The following SLC16A14 variants were observed in gnomAD, a reference collection of about 807,000 sequenced individuals.
SLC16A14 encodes the protein solute carrier family 16 member 14, also known as monocarboxylate transporter 14.
Under a neutral mutation model 35.8 loss-of-function variants are expected in SLC16A14, and 14 were observed. The ratio of observed to expected loss-of-function variants is 0.39; its 90% confidence interval spans 0.26 to 0.61. SLC16A14 has a LOEUF of 0.61. Among genes scored for constraint, SLC16A14 ranks in the 20% least tolerant of loss-of-function variants. The probability of loss-of-function intolerance (pLI) is 0.51; values close to 1 mark genes in which losing one functional copy is unlikely to be tolerated. For synonymous variants in SLC16A14, 248 were observed against 258.9 expected (o/e 0.96, Z 0.40); for missense variants, 533 against 655.0 (o/e 0.81, Z 2.03).
chr2:230,066,421 A>G (rs1046402846), intron 1 of SLC16A14, among the ~76,000 whole-genome samples: 1 of 152,264 alleles, frequency 6.6e-6, no homozygotes, highest in East Asian at 1.9e-4. Flanking sequence ...AGATTACGGG[A>G]GCAATAGTCA....
intron 2 of SLC16A14, among the ~76,000 whole-genome samples, chr2:230,051,937 CTTTT>C (rs11303379): frequency 1.4e-5 from 2 of 139,372 alleles, no homozygotes; most frequent in Admixed American, 7.2e-5. Flanking sequence ...ATTAAACATA[CTTTT>C]TTTTTTTTTT....
chr2:230,055,439 G>A (rs575487806), intron 2 of SLC16A14, among the ~76,000 whole-genome samples: 1 of 152,178 alleles, frequency 6.6e-6, no homozygotes, highest in Admixed American at 6.5e-5. Context: ...GCTGTGTTAT[G>A]TTATGATTTC....
intron 4 of SLC16A14, among the ~76,000 whole-genome samples, chr2:230,044,472 C>T (rs1173456840): frequency 2.5e-4 from 18 of 70,784 alleles, no homozygotes; most frequent in African/African-American, 9.1e-4. Flanking sequence ...AGGGAGATTC[C>T]GTCTCAAAAA....
intron 3 of SLC16A14, among the ~76,000 whole-genome samples, chr2:230,048,777 G>C (rs1468249700): frequency 2.6e-5 from 4 of 151,752 alleles, no homozygotes; most frequent in Non-Finnish European, 5.9e-5. Flanking sequence ...TACAAAATTA[G>C]CTGGGCATGG....
chr2:230,067,563 TCTCTCTCTCACA>T (rs1484098717), intron 1 of SLC16A14, among the ~76,000 whole-genome samples: 3 of 48,860 alleles, frequency 6.1e-5, no homozygotes, highest in African/African-American at 1.6e-4. Context: ...TCTCTCTCTC[TCTCTCTCTCACA>T]CACACACACA....
intron 2 of SLC16A14, among the ~76,000 whole-genome samples, chr2:230,054,263 T>G (rs1288210380): frequency 6.6e-6 from 1 of 151,898 alleles, no homozygotes; most frequent in East Asian, 1.9e-4. Flanking sequence ...GTAGATACTG[T>G]GAAAAGAAAA....
rs147412939 is a variant in SLC16A14, at chr2:230,046,034, G to A, written c.1092C>T (p.Ile364=). Residue 364 remains isoleucine (I), a synonymous_variant, in exon 4 of 5, where the codon ATC becomes ATT. Transcript: ENST00000295190. This position sits in a 1 kb window ranked among gnomAD's most constrained non-coding sequence, Gnocchi z 5.0. ...PLTSIIAIVH[I]FGKVILGVIA... ...TGACGCCCAGGATCACTTTTCCAAA[G>A]ATGTGAACTATTGCTATAATTGACG... 6.0e-5 allele frequency: 97 copies of A among 1,614,012 alleles called. No individual in the cohort carries two copies. The highest frequency in any genetic ancestry group is 8.0e-5 in the Non-Finnish European group (94 of 1,179,970).
chr2:230,059,928 G>A (rs1332292717), intron 1 of SLC16A14, among the ~76,000 whole-genome samples: 2 of 152,164 alleles, frequency 1.3e-5, no homozygotes, highest in African/African-American at 4.8e-5. Flanking sequence ...CCCAGCTCAG[G>A]AGAGACTGAT....
intron 2 of SLC16A14, among the ~76,000 whole-genome samples, chr2:230,058,606 A>T (rs1386823852): frequency 6.6e-6 from 1 of 151,970 alleles, no homozygotes; most frequent in Admixed American, 6.6e-5. Flanking sequence ...AGCGTACTTA[A>T]TGGGACTCAA....
At chr2:230,042,988 A>C (rs1156662188) in intron 4 of SLC16A14, among the ~76,000 whole-genome samples, 1 of 152,106 alleles carries the variant, frequency 6.6e-6, no homozygotes. Flanking sequence ...CAGTCCCTGA[A>C]CTCTATATTT....
At chr2:230,061,802 C>G (rs1047765255) in intron 1 of SLC16A14, among the ~76,000 whole-genome samples, 1 of 147,932 alleles carries the variant, frequency 6.8e-6, no homozygotes, top group Admixed American at 6.8e-5. Context: ...AGGGCAGTGG[C>G]GTAATTTTGA....
rs1193273938 is a variant in SLC16A14 at position 230,037,515 on chromosome 2, G to C, written c.1398C>G (p.Ile466Met). 1 of 1,608,114 alleles carries C rather than the reference G, an allele frequency of 6.2e-7. No individual in the cohort carries two copies. ...AGAAGGAAAAATCATATTTTTGCGT[G>C]ATGTCATAGATCCACCCTACAAAAC... Reference protein sequence around the residue: ...GPPFAGWIYDITQKYDFSFYI... With the variant: ...GPPFAGWIYDMTQKYDFSFYI... The change falls in exon 5 of 5, where the codon ATC (isoleucine) becomes ATG (methionine). Residue 466 changes from isoleucine to methionine, a missense_variant. Ile to Met is a conservative substitution (Grantham distance 10, BLOSUM62 1). Transcript: ENST00000295190.
chr2:230,062,440 G>A (rs6761442), intron 1 of SLC16A14, among the ~76,000 whole-genome samples: 60,725 of 149,580 alleles, frequency 0.41, 12,798 homozygotes, highest in Non-Finnish European at 0.47. Context: ...CCTTGAACTA[G>A]CAGGCTCCAG....
chr2:230,048,526 T>C (rs1268150578), intron 3 of SLC16A14, among the ~76,000 whole-genome samples: 2 of 152,264 alleles, frequency 1.3e-5, no homozygotes, highest in Non-Finnish European at 2.9e-5. Context: ...TATTAACCTG[T>C]TCACTGGGAA....
intron 2 of SLC16A14, 38 bp from the exon 3 acceptor site, chr2:230,049,942 G>T (rs1230334367): frequency 6.3e-7 from 1 of 1,596,840 alleles, no homozygotes; most frequent in Non-Finnish European, 8.6e-7. Flanking sequence ...GACTAAAGGT[G>T]CTTCCGTTTT....
At chr2:230,040,272 G>A (rs998693235) in intron 4 of SLC16A14, among the ~76,000 whole-genome samples, 17 of 151,976 alleles carry the variant, frequency 1.1e-4, no homozygotes, top group African/African-American at 3.4e-4. Flanking sequence ...AGGCTGGAGT[G>A]CAGTGGCACA....
At chr2:230,039,454 T>C (rs2077542701) in intron 4 of SLC16A14, among the ~76,000 whole-genome samples, 2 of 152,142 alleles carry the variant, frequency 1.3e-5, no homozygotes, top group Non-Finnish European at 2.9e-5. Flanking sequence ...AGCTTCAGAA[T>C]TGAATTGGAA....
intron 4 of SLC16A14, among the ~76,000 whole-genome samples, chr2:230,044,872 C>G (rs1055708034): frequency 6.6e-6 from 1 of 151,980 alleles, no homozygotes; most frequent in Non-Finnish European, 1.5e-5. Flanking sequence ...AGCTACCACT[C>G]CTGGCCAATC....
chr2:230,045,929 C>T lies in SLC16A14; in HGVS notation c.1197G>A (p.Leu399=). ...NFTLVLSIFI[L]PLMHTYAGLA... ...GGCCAGCGTACGTGTGCATCAACGGCAGAATAAAAATACTGAGGACAAGGG... is the reference window on the plus strand; with the variant it reads ...GGCCAGCGTACGTGTGCATCAACGGTAGAATAAAAATACTGAGGACAAGGG... Residue 399 remains leucine, a synonymous_variant, in exon 4 of 5, where the codon CTG becomes CTA. Transcript: ENST00000295190. The T allele has an allele frequency of 6.2e-7, 1 of 1,612,194 alleles. No homozygotes were observed. The highest frequency in any genetic ancestry group is 8.5e-7 in the Non-Finnish European group (1 of 1,178,364).
Sources: gnomAD v4.1 joint callset for allele counts (sites outside exome capture counted in the v4.1 genomes callset) on GRCh38, gnomAD v4.1.1 for gene constraint, Gnocchi (gnomAD v3.1) non-coding constraint, MANE v1.5 for transcripts, NCBI Gene and HGNC (gene_info 2026-07-23, HGNC 2026-07-21) for gene names.